Variants in TANGO2 observed in about 807,000 individuals in gnomAD.
TANGO2 encodes the protein transport and Golgi organization protein 2 homolog.
Under a neutral mutation model 39.1 loss-of-function variants are expected in TANGO2, and 26 were observed. The observed-to-expected ratio is 0.67, with a 90% confidence interval of 0.49 to 0.92. The LOEUF is 0.92. Among genes scored for constraint, TANGO2 ranks in the 40% least tolerant of loss-of-function variants. TANGO2 has a pLI of 0.00. For synonymous variants in TANGO2, 131 were observed against 144.5 expected (o/e 0.91, Z 0.67); for missense variants, 326 against 360.1 (o/e 0.91, Z 0.77).
At chr22:20,056,306 T>G (rs1402788192) in intron 6 of TANGO2, 2 of 623,860 alleles carry the variant, frequency 3.2e-6, no homozygotes, top group East Asian at 6.6e-5. Context: ...CCTCACTTCC[T>G]GTGCCGTCCC....
chr22:20,052,325 G>T, intron 3 of TANGO2, 140 bp from the exon 4 acceptor site: 1 of 1,275,850 alleles, frequency 7.8e-7, no homozygotes, highest in Non-Finnish European at 1.1e-6. Context: ...AGCTGGGGCT[G>T]CTGGGCCAAG....
At chr22:20,026,185 G>A (rs181076444) in intron 1 of TANGO2, among the ~76,000 whole-genome samples, 2 of 152,344 alleles carry the variant, frequency 1.3e-5, no homozygotes, top group Admixed American at 1.3e-4. Context: ...GGATCATGAG[G>A]TCAGGAGTTC....
chr22:20,020,743 T>G (rs2039516636), upstream of TANGO2, among the ~76,000 whole-genome samples: 1 of 151,936 alleles, frequency 6.6e-6, no homozygotes, highest in African/African-American at 2.4e-5. Context: ...AGTCCGGAAG[T>G]GAGCATTCCT....
At chr22:20,018,531 A>C (rs1370978583), upstream of TANGO2, among the ~76,000 whole-genome samples, 1 of 152,126 alleles carries the variant, frequency 6.6e-6, no homozygotes, top group Admixed American at 6.5e-5. Context: ...CCCTCCCCAC[A>C]CTTGCAAGAG....
chr22:20,048,424 A>G (rs1301088905), intron 3 of TANGO2: 2 of 152,230 alleles, frequency 1.3e-5, no homozygotes, highest in East Asian at 1.9e-4. Context: ...TTGTAGCAGC[A>G]TGAGAATGGA....
At chr22:20,026,796 A>G (rs1482209352) in intron 1 of TANGO2, among the ~76,000 whole-genome samples, 1 of 152,210 alleles carries the variant, frequency 6.6e-6, no homozygotes, top group African/African-American at 2.4e-5. Flanking sequence ...CCCACACTGC[A>G]TACACCCTGG....
At chr22:20,052,762 C>T (rs902742630) in intron 4 of TANGO2, among the ~76,000 whole-genome samples, 178 bp downstream of exon 4, 3 of 151,672 alleles carry the variant, frequency 2.0e-5, no homozygotes, top group Non-Finnish European at 4.4e-5. Context: ...GCTGAGGTAC[C>T]GTGGGGCAGG....
chr22:20,036,738 C>T, intron 1 of TANGO2, 22 bp from the exon 2 acceptor site: 2 of 1,605,402 alleles, frequency 1.2e-6, no homozygotes, highest in East Asian at 2.2e-5. Flanking sequence ...CCGCTCAACT[C>T]AGTGTTTTCC....
At chr22:20,024,008 C>T (rs569548663) in intron 1 of TANGO2, among the ~76,000 whole-genome samples, 28 of 152,196 alleles carry the variant, frequency 1.8e-4, no homozygotes, top group African/African-American at 6.5e-4. Context: ...ATAGTGAAAC[C>T]CCGTCCCTAC....
intron 1 of TANGO2, among the ~76,000 whole-genome samples, chr22:20,028,840 T>TC (rs764775685): frequency 2.0e-5 from 3 of 152,130 alleles, no homozygotes; most frequent in Admixed American, 6.5e-5. Context: ...ATGGCCCTCG[T>TC]CCCCCTTGCT....
intron 3 of TANGO2, among the ~76,000 whole-genome samples, chr22:20,050,175 C>T (rs147134283): frequency 0.02 from 3,100 of 152,134 alleles, 112 homozygotes; most frequent in African/African-American, 0.07. Context: ...CACACCACTG[C>T]ACTCCAGCCT....
chr22:20,025,373 G>A (rs1010616138), intron 1 of TANGO2, among the ~76,000 whole-genome samples: 1 of 152,146 alleles, frequency 6.6e-6, no homozygotes, highest in South Asian at 2.1e-4. Flanking sequence ...GATTACAGGT[G>A]TGAGCCACTG....
At chr22:20,031,194 T>C (rs942866715) in intron 1 of TANGO2, among the ~76,000 whole-genome samples, 4 of 118,240 alleles carry the variant, frequency 3.4e-5, no homozygotes, top group Non-Finnish European at 8.0e-5. Flanking sequence ...CGAGACTCTG[T>C]CTCAAAAAAA....
upstream of TANGO2, among the ~76,000 whole-genome samples, chr22:20,018,575 A>G (rs937837232): frequency 6.6e-5 from 10 of 152,150 alleles, no homozygotes; most frequent in Non-Finnish European, 1.5e-4. Context: ...AGAGTGCAAA[A>G]GACAGAACCA....
intron 5 of TANGO2, chr22:20,054,552 T>G (rs429965): frequency 0.3 from 44,950 of 150,742 alleles, 7,665 homozygotes; most frequent in East Asian, 0.66. Context: ...TGGTTGGGGG[T>G]TGGGGGTTTG....
chr22:20,035,411 A>G (rs2042657871), intron 1 of TANGO2, among the ~76,000 whole-genome samples: 1 of 152,238 alleles, frequency 6.6e-6, no homozygotes, highest in African/African-American at 2.4e-5. Context: ...AGCTGTGAGC[A>G]CTGGCTCTGC....
intron 1 of TANGO2, among the ~76,000 whole-genome samples, chr22:20,035,481 C>A (rs1033733838): frequency 6.6e-6 from 1 of 152,256 alleles, no homozygotes; most frequent in Non-Finnish European, 1.5e-5. Flanking sequence ...TTGGGTGTCA[C>A]CCTTGGGTGG....
intron 6 of TANGO2, among the ~76,000 whole-genome samples, chr22:20,060,872 G>A (rs976018459): frequency 6.6e-6 from 1 of 152,182 alleles, no homozygotes; most frequent in African/African-American, 2.4e-5. Flanking sequence ...GAGCCTCTGA[G>A]GTGAGGTGCT....
intron 1 of TANGO2, among the ~76,000 whole-genome samples, chr22:20,025,056 C>G (rs2040461939): frequency 6.7e-6 from 1 of 149,382 alleles, no homozygotes; most frequent in Non-Finnish European, 1.5e-5. Flanking sequence ...TGTACATTTT[C>G]TTTTTTTTTG....
Sources: gnomAD v4.1 joint callset for allele counts (sites outside exome capture counted in the v4.1 genomes callset) on GRCh38, gnomAD v4.1.1 for gene constraint, MANE v1.5 for transcripts, NCBI Gene and HGNC (gene_info 2026-07-23, HGNC 2026-07-21) for gene names.